The following SV2C variants were observed in gnomAD, a reference collection of about 807,000 sequenced individuals.
SV2C encodes the protein solute carrier family 22 member B3.
Under a neutral mutation model 79.7 loss-of-function variants are expected in SV2C, and 49 were observed. The ratio of observed to expected loss-of-function variants is 0.61; its 90% CI spans 0.49 to 0.78. The LOEUF is 0.78. SV2C is among the 30% of genes least tolerant of loss of function. The probability of loss-of-function intolerance (pLI) is 0.00; values close to 1 mark genes in which losing one functional copy is unlikely to be tolerated. For synonymous variants in SV2C, 334 were observed against 333.2 expected, an observed-to-expected ratio of 1.00 and a Z score of -0.03; for missense variants, 833 against 912.9, an observed-to-expected ratio of 0.91 and a Z score of 1.13.
chr5:75,910,325 TA>T, the SV2C span: 1 of 542,228 alleles, frequency 1.8e-6, no homozygotes. Flanking sequence ...TTGCTCCTCG[TA>T]GTCTTCCCAA....
At chr5:76,150,198 CTTT>C (rs397998189) in intron 2 of SV2C, among the ~76,000 whole-genome samples, 4 of 122,414 alleles carry the variant, frequency 3.3e-5, no homozygotes, top group African/African-American at 2.7e-5. Flanking sequence ...GATTTAATAT[CTTT>C]TTTTTTTTTT....
chr5:75,979,500 C>G, the SV2C span, among the ~76,000 whole-genome samples: 5 of 149,084 alleles, frequency 3.4e-5, no homozygotes, highest in East Asian at 7.7e-4. Flanking sequence ...TCAGAAAATG[C>G]AAAAGAACTG....
intron 12 of SV2C, among the ~76,000 whole-genome samples, chr5:76,348,110 A>G (rs1183877253): frequency 6.6e-6 from 1 of 152,214 alleles, no homozygotes. Flanking sequence ...CCTGGCAACC[A>G]CTGATCATTT....
the SV2C span, among the ~76,000 whole-genome samples, chr5:75,891,968 C>G: frequency 6.6e-6 from 1 of 152,186 alleles, no homozygotes; most frequent in Middle Eastern, 3.4e-3. Flanking sequence ...ACCCTGACCT[C>G]CCCAGCAAAA....
chr5:75,888,326 CT>C, the SV2C span, among the ~76,000 whole-genome samples: 2 of 131,274 alleles, frequency 1.5e-5, no homozygotes, highest in African/African-American at 3.7e-5. Flanking sequence ...AGTCTCCTTG[CT>C]TTTTAAAAAA....
chr5:76,126,275 T>C lies in SV2C; in HGVS notation c.-101-5375T>C, dbSNP rs147254264. ...GAAATCGTTTCATGAAAGAAGTGAT[T>C]TTTGAACCGTGATTTTTGCACTGCA... On this transcript the variant is annotated intron_variant, in intron 1 of 12. Transcript: ENST00000502798. 2.7e-3 allele frequency among the ~76,000 whole-genome samples: 409 copies of C among 152,272 alleles called. 3 individuals carry two copies. The highest frequency in any genetic ancestry group is 7.5e-3 in the African/African-American group (311 of 41,546).
At chr5:76,131,298 A>G (rs1447708047) in intron 1 of SV2C, among the ~76,000 whole-genome samples, 1 of 152,164 alleles carries the variant, frequency 6.6e-6, no homozygotes, top group Non-Finnish European at 1.5e-5. Context: ...CAATCAAGGT[A>G]TATGCTTGTA....
chr5:75,978,806 A>G, the SV2C span, among the ~76,000 whole-genome samples: 1 of 152,040 alleles, frequency 6.6e-6, no homozygotes, highest in East Asian at 1.9e-4. Context: ...CAAGAGACTC[A>G]TGTCAGGGCT....
chr5:76,054,451 C>T, the SV2C span, among the ~76,000 whole-genome samples: 1 of 152,170 alleles, frequency 6.6e-6, no homozygotes. Flanking sequence ...CTGCAATAAA[C>T]ATATGTGTGC....
chr5:76,147,935 AT>A, intron 2 of SV2C, among the ~76,000 whole-genome samples: 1 of 151,996 alleles, frequency 6.6e-6, no homozygotes. Flanking sequence ...TATGTAATAC[AT>A]TTTTTTCCTA....
the SV2C span, chr5:76,075,389 A>G: frequency 1.3e-5 from 2 of 152,280 alleles, no homozygotes; most frequent in Non-Finnish European, 2.9e-5. Context: ...AGGAATTATC[A>G]TGACTGATTT....
chr5:76,024,245 A>G, the SV2C span, among the ~76,000 whole-genome samples: 1 of 152,162 alleles, frequency 6.6e-6, no homozygotes, highest in African/African-American at 2.4e-5. Flanking sequence ...GCTTGTAGCA[A>G]TTTACATATA....
chr5:76,053,841 GGTCC>G, the SV2C span, among the ~76,000 whole-genome samples: 1 of 152,062 alleles, frequency 6.6e-6, no homozygotes, highest in Admixed American at 6.6e-5. Context: ...TCCATAAGAA[GGTCC>G]ATGTATCTGC....
chr5:75,948,230 G>A, the SV2C span, among the ~76,000 whole-genome samples: 1 of 152,064 alleles, frequency 6.6e-6, no homozygotes, highest in Non-Finnish European at 1.5e-5. Context: ...ATTCCAAAAT[G>A]TATTCAGTGA....
At chr5:76,270,405 T>G (rs572662357) in intron 4 of SV2C, among the ~76,000 whole-genome samples, 1 of 152,326 alleles carries the variant, frequency 6.6e-6, no homozygotes, top group South Asian at 2.1e-4. Context: ...TCATTAGAAG[T>G]GTAATCACAG....
At chr5:76,159,370 A>AG (rs753985466) in intron 2 of SV2C, among the ~76,000 whole-genome samples, 3 of 152,114 alleles carry the variant, frequency 2.0e-5, no homozygotes, top group Non-Finnish European at 4.4e-5. Context: ...AATCGTGTAT[A>AG]TGGAAAATCC....
At chr5:76,012,261 C>A in the SV2C span, among the ~76,000 whole-genome samples, 1 of 152,206 alleles carries the variant, frequency 6.6e-6, no homozygotes, top group Non-Finnish European at 1.5e-5. Flanking sequence ...CACATCCTCT[C>A]CAGCATCTGT....
chr5:76,270,718 A>G (rs371735476), intron 4 of SV2C, among the ~76,000 whole-genome samples: 1 of 152,136 alleles, frequency 6.6e-6, no homozygotes, highest in South Asian at 2.1e-4. Flanking sequence ...TTGCTACTCA[A>G]CAGAAAGGTG....
chr5:76,050,630 T>TA, the SV2C span, among the ~76,000 whole-genome samples: 3,485 of 152,274 alleles, frequency 0.023, 113 homozygotes, highest in African/African-American at 0.075. Context: ...ATCTACCACC[T>TA]TAGTACTCTC....
Sources: allele counts gnomAD v4.1 joint callset (sites outside exome capture counted in the v4.1 genomes callset), GRCh38; gene constraint gnomAD v4.1.1; transcripts MANE v1.5; gene names NCBI Gene and HGNC (gene_info 2026-07-23, HGNC 2026-07-21).